MMP2: variants seen among roughly 807,000 people sequenced by gnomAD.
The protein encoded by MMP2 is 72 kDa type IV collagenase.
In MMP2, 39 loss-of-function variants were observed where a neutral mutation model predicts 74.8. The observed-to-expected ratio is 0.52, with a 90% confidence interval of 0.40 to 0.68. The LOEUF (loss-of-function observed/expected upper bound fraction) is 0.68. Ranked by LOEUF, MMP2 falls within the 30% of genes least tolerant of loss-of-function variation. The pLI is 0.00. For missense variants in MMP2, 803 were observed against 878.3 expected (o/e 0.91, Z 1.08); for synonymous variants, 367 against 339.8 (o/e 1.08, Z -0.88).
At chr16:55,484,265 T>G in intron 3 of MMP2, 101 bp downstream of exon 3, 1 of 1,389,280 alleles carries the variant, frequency 7.2e-7, no homozygotes, top group Non-Finnish European at 9.9e-7. Context: ...AAGGGCGGCT[T>G]AGATAGGACA....
intron 5 of MMP2, 101 bp downstream of exon 5, chr16:55,485,878 C>T: frequency 8.0e-7 from 1 of 1,257,054 alleles, no homozygotes; most frequent in Non-Finnish European, 1.1e-6. Flanking sequence ...GACTGGCTGC[C>T]ACTGCCAGTT....
At chr16:55,485,274 C>T (rs375553835) in intron 3 of MMP2, 25 bp from the exon 4 acceptor site, 34 of 1,613,884 alleles carry the variant, frequency 2.1e-5, no homozygotes, top group South Asian at 6.6e-5. Flanking sequence ...CACAGCTAGA[C>T]GCTAAGACCC....
intron 1 of MMP2, chr16:55,481,999 C>T: frequency 1.8e-6 from 1 of 554,304 alleles, no homozygotes; most frequent in Non-Finnish European, 3.3e-6. Context: ...GATCTCCTGG[C>T]TCCTTTCAAC....
intron 11 of MMP2, among the ~76,000 whole-genome samples, chr16:55,499,832 A>T (rs1344456593): frequency 6.6e-6 from 1 of 151,896 alleles, no homozygotes; most frequent in East Asian, 1.9e-4. Context: ...GTCGGGGCAC[A>T]AAGACTTGTG....
At chr16:55,481,699 C>A (rs553046239) in intron 1 of MMP2, 16 of 588,432 alleles carry the variant, frequency 2.7e-5, no homozygotes, top group African/African-American at 2.3e-4. Flanking sequence ...GCAGTGGGGG[C>A]TTAAGAAGAT....
rs753247528 is a variant in MMP2 at position 55,483,076 on chromosome 16, G to A, written c.321G>A (p.Val107=). The A allele has an allele frequency of 5.0e-6, 8 of 1,614,082 alleles. No homozygotes were observed. The highest frequency in any genetic ancestry group is 5.9e-6 in the Non-Finnish European group (7 of 1,180,016). Reference sequence around the variant, plus strand: ...AGCCACGCTGCGGCAACCCAGATGTGGCCAACTACAACTTCTTCCCTCGCA... The same window carrying A: ...AGCCACGCTGCGGCAACCCAGATGTAGCCAACTACAACTTCTTCCCTCGCA... ...MRKPRCGNPD[V]ANYNFFPRKP... Residue 107 remains valine (V), a synonymous_variant, in exon 2 of 13, where the codon GTG becomes GTA. Coordinates refer to ENST00000219070, the MANE Select transcript of MMP2 (RefSeq NM_004530.6).
intron 8 of MMP2, among the ~76,000 whole-genome samples, chr16:55,492,425 A>G (rs1169563182): frequency 1.6e-5 from 2 of 123,616 alleles, no homozygotes; most frequent in African/African-American, 6.2e-5. Flanking sequence ...GCCTTAAGCC[A>G]ATTATTTATT....
intron 3 of MMP2, among the ~76,000 whole-genome samples, chr16:55,484,618 T>C (rs1962195065): frequency 6.6e-6 from 1 of 152,248 alleles, no homozygotes; most frequent in African/African-American, 2.4e-5. Flanking sequence ...TGTTGGATGA[T>C]GCTGGTAGAC....
At chr16:55,483,628 G>A (rs775340921) in intron 2 of MMP2, among the ~76,000 whole-genome samples, 104 of 152,286 alleles carry the variant, frequency 6.8e-4, no homozygotes, top group Non-Finnish European at 9.6e-4. Context: ...TATGGGTGGT[G>A]CTGGGTTCCA....
In MMP2 at chr16:55,479,331, G is replaced by A. The variant is rs1028444843; in HGVS notation, c.-149G>A. ...GGGCGCGGGGGCCGGACCATGAGCCGCTGAGCCGGGCAAACCCCAGGCCAC... is the reference window on the plus strand; with the variant it reads ...GGGCGCGGGGGCCGGACCATGAGCCACTGAGCCGGGCAAACCCCAGGCCAC... On this transcript the variant is annotated 5_prime_UTR_variant, in exon 1 of 13. Transcript: ENST00000219070. 4.1e-6 allele frequency: 4 copies of A among 968,612 alleles called. No individual in the cohort carries two copies. Among genetic ancestry groups the A allele is most frequent in the African/African-American group, 1.7e-5 (1 of 58,066 alleles). 60.0% of individuals were successfully genotyped at this position (968,612 alleles called of 1,614,324 possible).
rs1048262417 is a variant in MMP2 at position 55,488,216 on chromosome 16, A to G, written c.833-327A>G. 39 of 364,630 alleles carry G rather than the reference A, an allele frequency of 1.1e-4. 1 individual carries two copies. The Middle Eastern group carries it at 3.2e-3, about 30-fold the overall frequency. The allele number at this position is 364,630 out of a possible 1,614,324, so 22.6% of individuals were successfully genotyped here. A position where few individuals can be genotyped will look rare whatever the true frequency, so the allele number is the denominator to read the frequency against. On this transcript the variant is annotated intron_variant, in intron 5 of 12. Transcript: ENST00000219070. ...TACATCATTATTACATGAAATTTGC[A>G]TGGTACAGGTGTGGACCAGGCAGAA...
chr16:55,497,055 C>T lies in MMP2; in HGVS notation c.1602C>T (p.Phe534=), dbSNP rs576266782. ...CCCCACAGGAGGAGAAGGCTGTGTT[C>T]TTTGCAGGTGTGTGGGAAGCACCCT... ...YEAPQEEKAV[F]FAGNEYWIYS... Residue 534 remains phenylalanine, a synonymous_variant, in exon 10 of 13, where the codon TTC becomes TTT. Coordinates refer to ENST00000219070, the MANE Select transcript of MMP2 (RefSeq NM_004530.6). 1 of 1,614,118 alleles carries T rather than the reference C, an allele frequency of 6.2e-7. No homozygotes were observed. Among genetic ancestry groups the T allele is most frequent in the Admixed American group, 1.7e-5 (1 of 60,028 alleles).
At position 55,504,955 on chromosome 16, in the gene MMP2, G is replaced by A. The variant is rs563304895; in HGVS notation, c.1880-384G>A. The stretch of plus-strand genomic sequence containing the variant: ...GCGTGAGCCACCGCGCCCCGCCACA[G>A]TTGAGTTTTTTTTTTGGCGGGGGGA... On this transcript the variant is annotated intron_variant, in intron 12 of 12. Transcript: ENST00000219070. Among the ~76,000 whole-genome samples the A allele has an allele frequency of 6.4e-5, 8 of 124,426 alleles. No homozygotes were observed. The East Asian group carries it at 2.0e-3, about 32-fold the overall frequency. The allele number at this position is 124,426 out of a possible 152,430, so 81.6% of individuals were successfully genotyped here.
chr16:55,486,270 A>C (rs1962245734), intron 5 of MMP2, among the ~76,000 whole-genome samples: 1 of 151,300 alleles, frequency 6.6e-6, no homozygotes, highest in South Asian at 2.1e-4. Flanking sequence ...ACTCCAACTG[A>C]GGAATTTCAG....
chr16:55,504,106 C>T lies in MMP2; in HGVS notation c.1879+1218C>T, dbSNP rs192741459. ...CCAGGAGTTTAAGGCTGCAGTGAGC[C>T]GTGTTCATGCCGCTGCATTCCAGAC... On this transcript the variant is annotated intron_variant, in intron 12 of 12. Transcript: ENST00000219070. 1.2e-3 allele frequency among the ~76,000 whole-genome samples: 175 copies of T among 152,146 alleles called. 1 individual carries two copies. Among genetic ancestry groups the T allele is most frequent in the African/African-American group, 4.0e-3 (168 of 41,500 alleles).
chr16:55,500,932 A>G (rs544125686), intron 11 of MMP2, among the ~76,000 whole-genome samples: 1 of 152,304 alleles, frequency 6.6e-6, no homozygotes, highest in East Asian at 1.9e-4. Context: ...AGCCACAAAT[A>G]TATGTTCCAC....
rs760340067 is a variant in MMP2, at chr16:55,505,332, A to C, written c.1880-7A>C. 3 of 1,612,152 alleles carry C rather than the reference A, an allele frequency of 1.9e-6. No homozygotes were observed. Among genetic ancestry groups the C allele is most frequent in the Non-Finnish European group, 1.7e-6 (2 of 1,178,310 alleles). On this transcript the variant is annotated splice_polypyrimidine_tract_variant and splice_region_variant and intron_variant, in intron 12 of 12. Transcript: ENST00000219070. ...GGGGGTCACGGTCTCTTCTTTCTCT[A>C]TCCCAGGTCACAGCTACTTCTTCAA...
intron 5 of MMP2, chr16:55,487,955 A>T (rs1316423010): frequency 1.9e-5 from 3 of 154,134 alleles, no homozygotes; most frequent in African/African-American, 7.2e-5. Flanking sequence ...AGGTAAAGCA[A>T]GCTTTCTGTG....
intron 1 of MMP2, among the ~76,000 whole-genome samples, chr16:55,480,831 G>A (rs1162088212): frequency 6.6e-6 from 1 of 152,140 alleles, no homozygotes; most frequent in Non-Finnish European, 1.5e-5. Context: ...GCCCCCTCTG[G>A]ATAGATGGGT....
Sources: allele counts gnomAD v4.1 joint callset (sites outside exome capture counted in the v4.1 genomes callset), GRCh38; gene constraint gnomAD v4.1.1; transcripts MANE v1.5; gene names NCBI Gene and HGNC (gene_info 2026-07-23, HGNC 2026-07-21).